The following CACNA1I variants were observed in gnomAD, a reference collection of about 807,000 sequenced individuals.
CACNA1I encodes the protein calcium voltage-gated channel subunit alpha1 I.
In CACNA1I, 74 loss-of-function variants were observed where a neutral mutation model predicts 201.6. That is an observed-to-expected ratio of 0.37 (90% CI 0.30 to 0.45). The LOEUF is 0.45. Among genes scored for constraint, CACNA1I ranks in the 20% least tolerant of loss-of-function variants. CACNA1I has a pLI of 1.00. For missense variants in CACNA1I, 2,346 were observed against 3,138.1 expected, an observed-to-expected ratio of 0.75 and a Z score of 6.03; for synonymous variants, 1,431 against 1,345.2, an observed-to-expected ratio of 1.06 and a Z score of -1.40.
intron 3 of CACNA1I, among the ~76,000 whole-genome samples, chr22:39,603,367 C>G (rs1454486053): frequency 6.6e-6 from 1 of 152,210 alleles, no homozygotes; most frequent in Non-Finnish European, 1.5e-5. Context: ...TTCTGAATCA[C>G]AAGTGGGCTT....
At chr22:39,584,066 G>A (rs909047011) in intron 1 of CACNA1I, among the ~76,000 whole-genome samples, 2 of 152,234 alleles carry the variant, frequency 1.3e-5, no homozygotes, top group African/African-American at 4.8e-5. Context: ...AGCCACAGAA[G>A]GCTTTTGGTT....
At chr22:39,614,163 C>T (rs1413640926) in intron 3 of CACNA1I, among the ~76,000 whole-genome samples, 1 of 152,152 alleles carries the variant, frequency 6.6e-6, no homozygotes, top group Non-Finnish European at 1.5e-5. Context: ...TGGGCCCCTT[C>T]TGTCTCAGTT....
intron 3 of CACNA1I, among the ~76,000 whole-genome samples, chr22:39,602,712 G>A (rs1421865149): frequency 6.6e-6 from 1 of 152,100 alleles, no homozygotes; most frequent in Non-Finnish European, 1.5e-5. Context: ...CTATAGTATT[G>A]CAGGTGAGTC....
At position 39,570,775 on chromosome 22, in the gene CACNA1I, C is replaced by A. The variant is rs1375628094; in HGVS notation, c.23C>A (p.Pro8His). MAESASP[P>H]SSSAAAPAAE... is the part of the protein sequence containing the mutation. Reference sequence around the variant, plus strand: ...GACATGGCTGAGAGCGCCTCCCCGCCCTCCTCATCTGCAGCAGCCCCAGCC... The same window carrying A: ...GACATGGCTGAGAGCGCCTCCCCGCACTCCTCATCTGCAGCAGCCCCAGCC... Residue 8 changes from proline (P) to histidine (H), a missense_variant, in exon 1 of 37, where the codon CCC becomes CAC. Physicochemically the swap from Pro to His is moderately conservative, Grantham distance 77. Around this residue, in one of 13 missense-constraint regions of CACNA1I, gnomAD observed 130 missense variants for 160.7 expected, o/e 0.81. Coordinates refer to ENST00000402142, the MANE Select transcript of CACNA1I (RefSeq NM_021096.4). The A allele has an allele frequency of 6.2e-7, 1 of 1,610,368 alleles. No homozygotes were observed. The highest frequency in any genetic ancestry group is 1.1e-5 in the South Asian group (1 of 90,762).
chr22:39,614,937 T>C (rs1933488882), intron 3 of CACNA1I, among the ~76,000 whole-genome samples: 1 of 152,164 alleles, frequency 6.6e-6, no homozygotes, highest in South Asian at 2.1e-4. Flanking sequence ...CAGGAGGTAG[T>C]GGGGAGGTTT....
chr22:39,570,867 G>C lies in CACNA1I; in HGVS notation c.115G>C (p.Glu39Gln), dbSNP rs751458292. Residue 39 changes from glutamate (E) to glutamine (Q), a missense_variant, in exon 1 of 37, where the codon GAG becomes CAG. Transcript: ENST00000402142. Reference sequence around the variant, plus strand: ...CCCCCCATCCTCCCCGCCAGGCCTGGAGGAGCCTCTGGATGGAGCTGATCC... The same window carrying C: ...CCCCCCATCCTCCCCGCCAGGCCTGCAGGAGCCTCTGGATGGAGCTGATCC... The part of the protein sequence containing the change: ...RSPPSSPPGL[E>Q]EPLDGADPHV... The C allele has an allele frequency of 1.2e-6, 2 of 1,613,620 alleles. No homozygotes were observed. Among genetic ancestry groups the C allele is most frequent in the Admixed American group, 3.3e-5 (2 of 60,002 alleles).
At chr22:39,606,861 C>T (rs533634576) in intron 3 of CACNA1I, among the ~76,000 whole-genome samples, 2 of 152,242 alleles carry the variant, frequency 1.3e-5, no homozygotes, top group African/African-American at 4.8e-5. Context: ...ATCATTTAAG[C>T]TACACTTTTC....
intron 3 of CACNA1I, among the ~76,000 whole-genome samples, chr22:39,603,992 A>G (rs1167072296): frequency 6.6e-6 from 1 of 152,208 alleles, no homozygotes; most frequent in Non-Finnish European, 1.5e-5. Flanking sequence ...GAAGCAAACA[A>G]AGGTATTTTC....
In CACNA1I at chr22:39,664,857, C is replaced by T. The variant is rs774410790; in HGVS notation, c.3785C>T (p.Ala1262Val). Residue 1262 changes from alanine to valine, a missense_variant, in exon 21 of 37, where the codon GCC becomes GTC. By Grantham distance (64) the Ala-to-Val change is moderately conservative. Around this residue, in one of 13 missense-constraint regions of CACNA1I, gnomAD observed 158 missense variants for 231.6 expected, o/e 0.68. Transcript: ENST00000402142. ...GACATCGTGGTGTCCCTGGCCTCAGCCGGGGGAGCCAAGATCTTGGGGGTC... is the reference window on the plus strand; with the variant it reads ...GACATCGTGGTGTCCCTGGCCTCAGTCGGGGGAGCCAAGATCTTGGGGGTC... ...IIDIVVSLAS[A>V]GGAKILGVLR... 2 of 1,613,116 alleles carry T rather than the reference C, an allele frequency of 1.2e-6. No homozygotes were observed. Among genetic ancestry groups the T allele is most frequent in the South Asian group, 1.1e-5 (1 of 91,072 alleles).
At chr22:39,642,948 T>C (rs1201773523) in intron 7 of CACNA1I, 59 bp downstream of exon 7, 5 of 1,225,530 alleles carry the variant, frequency 4.1e-6, no homozygotes, top group Non-Finnish European at 5.9e-6. Flanking sequence ...CCAGGGGACC[T>C]GAGGAGGGAG....
At position 39,686,270 on chromosome 22, in the gene CACNA1I, G is replaced by A. The variant is rs751188551; in HGVS notation, c.6537G>A (p.Ser2179=). ...ALAHGLARSP[S]WAADRSKDPP... Reference sequence around the variant, plus strand: ...CCCACGGCCTGGCCCGGAGCCCCTCGTGGGCCGCGGACCGCAGCAAGGACC... The same window carrying A: ...CCCACGGCCTGGCCCGGAGCCCCTCATGGGCCGCGGACCGCAGCAAGGACC... Residue 2179 remains serine, a synonymous_variant, in exon 37 of 37, where the codon TCG becomes TCA. Transcript: ENST00000402142. 113 of 1,300,354 alleles carry A rather than the reference G, an allele frequency of 8.7e-5. 2 individuals carry two copies. The South Asian group carries it at 2.2e-3, about 25-fold the overall frequency. The allele number at this position is 1,300,354 out of a possible 1,614,324, so 80.6% of individuals were successfully genotyped here. A position where few individuals can be genotyped will look rare whatever the true frequency, so the allele number is the denominator to read the frequency against.
At chr22:39,672,103 AAATTCTCTCC>A in intron 26 of CACNA1I, 86 bp from the exon 27 acceptor site, 2 of 732,058 alleles carry the variant, frequency 2.7e-6, no homozygotes, top group Non-Finnish European at 4.9e-6. Flanking sequence ...TAAATGGACT[AAATTCTCTCC>A]TTAAAAGGCA....
At chr22:39,647,981 C>T (rs761674157) in intron 9 of CACNA1I, 55 bp downstream of exon 9, 3 of 1,472,684 alleles carry the variant, frequency 2.0e-6, no homozygotes, top group Non-Finnish European at 2.8e-6. Context: ...ACCACTTCTC[C>T]CAGTTGGTGC....
chr22:39,594,908 C>G (rs542773989), intron 1 of CACNA1I, among the ~76,000 whole-genome samples: 2 of 152,310 alleles, frequency 1.3e-5, no homozygotes, highest in Admixed American at 6.5e-5. Flanking sequence ...CCTATATTTA[C>G]TATGTTTTTT....
chr22:39,626,532 G>C (rs987836942), intron 4 of CACNA1I, among the ~76,000 whole-genome samples: 1 of 152,248 alleles, frequency 6.6e-6, no homozygotes, highest in African/African-American at 2.4e-5. Context: ...GCAGGGGACT[G>C]CGTGGCGGGA....
intron 1 of CACNA1I, among the ~76,000 whole-genome samples, chr22:39,596,723 GC>G (rs1280582842): frequency 2.0e-5 from 3 of 152,020 alleles, no homozygotes; most frequent in Non-Finnish European, 4.4e-5. Context: ...GTTTGGAGGG[GC>G]CAGGGCAGAC....
At chr22:39,675,246 G>A (rs1314443272) in intron 29 of CACNA1I, among the ~76,000 whole-genome samples, 1 of 152,254 alleles carries the variant, frequency 6.6e-6, no homozygotes, top group African/African-American at 2.4e-5. Flanking sequence ...AAGGGCGGCG[G>A]TGAGGTGTCA....
rs560728457 is a variant in CACNA1I, at chr22:39,634,191, C to T, written c.581-374C>T. On this transcript the variant is annotated intron_variant, in intron 4 of 36. Transcript: ENST00000402142. ...AAGCAGTTTCAGTTCTTTGAGTCTC[C>T]AGTTGCCTTCTCTATAAAATAGAAA... Among the ~76,000 whole-genome samples the T allele has an allele frequency of 3.3e-5, 5 of 152,314 alleles. No homozygotes were observed. The South Asian group carries it at 1.0e-3, about 32-fold the overall frequency.
rs1601515110 is a variant in CACNA1I, at chr22:39,665,656, G to A, written c.3978+32G>A. On this transcript the variant is annotated intron_variant, in intron 22 of 36. Coordinates refer to ENST00000402142, the MANE Select transcript of CACNA1I (RefSeq NM_021096.4). This position sits in a 1 kb window ranked among gnomAD's most constrained non-coding sequence, Gnocchi z 5.5. The stretch of plus-strand genomic sequence containing the variant: ...GGTGCCCAGTCTGGGCAGGGACTGG[G>A]CTCTGTGACTGGGGAAAAGGAAGTC... 1.2e-6 allele frequency: 2 copies of A among 1,606,126 alleles called. No individual in the cohort carries two copies. The highest frequency in any genetic ancestry group is 2.2e-5 in the East Asian group (1 of 44,652).
Sources: allele counts gnomAD v4.1 joint callset (sites outside exome capture counted in the v4.1 genomes callset), GRCh38; gene constraint gnomAD v4.1.1; regional missense constraint gnomAD v4.1.1; non-coding constraint Gnocchi (gnomAD v3.1); transcripts MANE v1.5; gene names NCBI Gene and HGNC (gene_info 2026-07-23, HGNC 2026-07-21).